The following AP2S1 variants were observed in gnomAD, a reference collection of about 807,000 sequenced individuals.
AP2S1 encodes AP-2 complex subunit sigma.
AP2S1 carries 6 observed loss-of-function variants against 21.0 expected under a neutral mutation model. The ratio of observed to expected loss-of-function variants is 0.29; its 90% CI spans 0.16 to 0.56. The LOEUF (loss-of-function observed/expected upper bound fraction) is 0.56. Ranked by LOEUF, AP2S1 falls within the 20% of genes least tolerant of loss-of-function variation. The pLI is 0.92. For synonymous variants in AP2S1, 63 were observed against 74.6 expected (o/e 0.84, Z 0.80); for missense variants, 60 against 186.2 (o/e 0.32, Z 3.95).
chr19:46,840,761 A>G (rs997488873), intron 2 of AP2S1, among the ~76,000 whole-genome samples: 1 of 117,050 alleles, frequency 8.5e-6, no homozygotes, highest in African/African-American at 3.5e-5. Flanking sequence ...TCTGACGCCC[A>G]GGCTGGAGAG....
chr19:46,841,420 C>A (rs569763551), intron 2 of AP2S1, among the ~76,000 whole-genome samples: 44 of 152,206 alleles, frequency 2.9e-4, no homozygotes, highest in Non-Finnish European at 5.3e-4. Context: ...TTTTAAATTT[C>A]GAGGCTTCTC....
chr19:46,840,224 C>T (rs1365818442), intron 2 of AP2S1, among the ~76,000 whole-genome samples: 1 of 151,906 alleles, frequency 6.6e-6, no homozygotes, highest in African/African-American at 2.4e-5. Flanking sequence ...ATGCCAGGAT[C>T]AGGGACATGG....
At chr19:46,848,441 A>G (rs1022418284) in intron 1 of AP2S1, among the ~76,000 whole-genome samples, 2 of 152,240 alleles carry the variant, frequency 1.3e-5, no homozygotes, top group African/African-American at 2.4e-5. Flanking sequence ...TAAGTGTTAC[A>G]TAAGAACCAG....
intron 1 of AP2S1, among the ~76,000 whole-genome samples, chr19:46,847,509 C>A (rs1369950393): frequency 6.6e-6 from 1 of 152,124 alleles, no homozygotes; most frequent in Non-Finnish European, 1.5e-5. Flanking sequence ...GCCACTGCAC[C>A]CCACCTAATA....
At chr19:46,840,833 T>C (rs2055507954) in intron 2 of AP2S1, among the ~76,000 whole-genome samples, 1 of 149,618 alleles carries the variant, frequency 6.7e-6, no homozygotes, top group Admixed American at 6.8e-5. Flanking sequence ...TTCTCCTGCC[T>C]CAGTCTCCCG....
At position 46,838,421 on chromosome 19, in the gene AP2S1, G is replaced by A. The variant is rs369370739; in HGVS notation, c.*26C>T. ...CGAGCAGGCGAGTCCAGGAGGGGCC[G>A]GGGCCGGGGTGGGGCTCGCCTGCCC... On this transcript the variant is annotated 3_prime_UTR_variant, in exon 5 of 5. Coordinates refer to ENST00000263270, the MANE Select transcript of AP2S1 (RefSeq NM_004069.6). The surrounding 1 kb of genome is among the most constrained non-coding windows in gnomAD (Gnocchi z 4.1). 18 of 1,609,328 alleles carry A rather than the reference G, an allele frequency of 1.1e-5. No individual in the cohort carries two copies. The highest frequency in any genetic ancestry group is 1.6e-4 in the Middle Eastern group (1 of 6,076).
chr19:46,846,667 T>G (rs1364343573), intron 1 of AP2S1, among the ~76,000 whole-genome samples: 1 of 151,778 alleles, frequency 6.6e-6, no homozygotes, highest in African/African-American at 2.4e-5. Flanking sequence ...TTATATTTTT[T>G]GTTATTTTTA....
chr19:46,845,942 A>G (rs550643384), intron 2 of AP2S1, 51 bp downstream of exon 2: 1 of 1,609,800 alleles, frequency 6.2e-7, no homozygotes, highest in Non-Finnish European at 8.5e-7. Flanking sequence ...GGAGTGGCGA[A>G]GTAGGGCACG....
chr19:46,849,531 G>A (rs2055699031), intron 1 of AP2S1, among the ~76,000 whole-genome samples: 1 of 152,134 alleles, frequency 6.6e-6, no homozygotes, highest in Non-Finnish European at 1.5e-5. Context: ...CACACAGTTA[G>A]GAGAACTAGA....
At chr19:46,845,921 A>C (rs757519697) in intron 2 of AP2S1, 72 bp downstream of exon 2, 140 of 1,597,026 alleles carry the variant, frequency 8.8e-5, no homozygotes, top group Non-Finnish European at 1.0e-4. Context: ...TTGCAACTAG[A>C]AGCTGGGCAG....
chr19:46,850,694 C>T, intron 1 of AP2S1, 70 bp downstream of exon 1: 2 of 1,363,754 alleles, frequency 1.5e-6, no homozygotes, highest in Non-Finnish European at 2.1e-6. Context: ...TGTCAGCGCC[C>T]GATCCAGCCT....
intron 2 of AP2S1, among the ~76,000 whole-genome samples, chr19:46,839,907 C>T (rs2055487920): frequency 6.6e-6 from 1 of 152,138 alleles, no homozygotes; most frequent in South Asian, 2.1e-4. Context: ...ATGTTCTAAG[C>T]AGATAGCAAA....
intron 2 of AP2S1, among the ~76,000 whole-genome samples, chr19:46,845,405 CA>C (rs2055613213): frequency 8.0e-6 from 1 of 124,972 alleles, no homozygotes; most frequent in African/African-American, 3.5e-5. Context: ...GACTCTGTCT[CA>C]AAAAAAGTAA....
intron 3 of AP2S1, among the ~76,000 whole-genome samples, chr19:46,839,194 G>A (rs1194362077): frequency 4.1e-5 from 6 of 145,916 alleles, no homozygotes; most frequent in African/African-American, 1.5e-4. Flanking sequence ...GGCTGAGGCA[G>A]GAGAATCACT....
chr19:46,839,436 C>CCCCCCCCAAAAAA, intron 3 of AP2S1, 29 bp downstream of exon 3: 1 of 1,550,182 alleles, frequency 6.5e-7, no homozygotes, highest in Non-Finnish European at 8.8e-7. Context: ...CCACCCGCCT[C>CCCCCCCCAAAAAA]CCCACCTTAC....
chr19:46,839,426 C>A, intron 3 of AP2S1, 39 bp downstream of exon 3: 3 of 1,008,698 alleles, frequency 3.0e-6, no homozygotes, highest in Non-Finnish European at 4.6e-6. Context: ...CCAGGGCTGC[C>A]CACCCGCCTC....
intron 1 of AP2S1, among the ~76,000 whole-genome samples, chr19:46,846,447 T>G (rs1475390638): frequency 4.1e-5 from 6 of 144,832 alleles, no homozygotes; most frequent in African/African-American, 1.3e-4. Context: ...CTCTGTTTTT[T>G]TTTTTTTTTT....
chr19:46,839,628 G>A, intron 2 of AP2S1, 50 bp from the exon 3 acceptor site: 2 of 1,613,092 alleles, frequency 1.2e-6, no homozygotes, highest in South Asian at 1.1e-5. Flanking sequence ...GACCTAACGT[G>A]CCAGACAGAG....
chr19:46,840,762 G>A (rs1028510341), intron 2 of AP2S1, among the ~76,000 whole-genome samples: 1 of 134,080 alleles, frequency 7.5e-6, no homozygotes, highest in Non-Finnish European at 1.5e-5. Flanking sequence ...CTGACGCCCA[G>A]GCTGGAGAGC....
Sources: gnomAD v4.1 joint callset for allele counts (sites outside exome capture counted in the v4.1 genomes callset) on GRCh38, gnomAD v4.1.1 for gene constraint, Gnocchi (gnomAD v3.1) non-coding constraint, MANE v1.5 for transcripts, NCBI Gene and HGNC (gene_info 2026-07-23, HGNC 2026-07-21) for gene names.